The following NTHL1 variants were observed in gnomAD, a reference collection of about 807,000 sequenced individuals.
The protein encoded by NTHL1 is endonuclease III-like protein 1.
Under a neutral mutation model 32.3 loss-of-function variants are expected in NTHL1, and 32 were observed. That is an observed-to-expected ratio of 0.99 (90% confidence interval 0.75 to 1.33). The LOEUF is 1.33. NTHL1 is among the 40% of genes most tolerant of loss of function. NTHL1 has a pLI of 0.00. For missense variants in NTHL1, 501 were observed against 414.1 expected, an observed-to-expected ratio of 1.21 and a Z score of -1.82; for synonymous variants, 188 against 176.9, an observed-to-expected ratio of 1.06 and a Z score of -0.50.
In NTHL1 at chr16:2,044,919, C is replaced by G. The variant is rs1780363375; in HGVS notation, c.355-119G>C. On this transcript the variant is annotated intron_variant, in intron 2 of 5. Coordinates refer to ENST00000651570, the MANE Select transcript of NTHL1 (RefSeq NM_002528.7). The surrounding 1 kb of genome is among the most constrained non-coding windows in gnomAD (Gnocchi z 5.0). ...TTGCCCTGGGCCACACTTGAGGCAT[C>G]AGCCTCCCCCTGTGGGGTGGGGAGG... 7.6e-6 allele frequency: 9 copies of G among 1,182,240 alleles called. No homozygotes were observed. The highest frequency in any genetic ancestry group is 1.1e-5 in the Non-Finnish European group (9 of 856,630). 73.2% of individuals were successfully genotyped at this position (1,182,240 alleles called of 1,614,324 possible).
chr16:2,047,542 GA>G, intron 1 of NTHL1, 166 bp downstream of exon 1: 38 of 1,201,798 alleles, frequency 3.2e-5, no homozygotes, highest in Non-Finnish European at 3.9e-5. Context: ...CAATCTTTGG[GA>G]AAAAGGCGCA....
chr16:2,046,008 G>A, intron 2 of NTHL1, 120 bp downstream of exon 2: 1 of 767,622 alleles, frequency 1.3e-6, no homozygotes, highest in Admixed American at 2.0e-5. Flanking sequence ...GGCACCGGGT[G>A]TCCATCCTCC....
chr16:2,041,132 C>T (rs1191852005), intron 4 of NTHL1, among the ~76,000 whole-genome samples: 1 of 152,250 alleles, frequency 6.6e-6, no homozygotes, highest in Non-Finnish European at 1.5e-5. Context: ...AAGCCGAGGC[C>T]TGCACCAGCT....
At chr16:2,045,043 AGAATCG>A (rs1396937791) in intron 2 of NTHL1, among the ~76,000 whole-genome samples, 1 of 152,192 alleles carries the variant, frequency 6.6e-6, no homozygotes, top group Non-Finnish European at 1.5e-5. Flanking sequence ...CTCAGTGCTT[AGAATCG>A]TATGTGGCCG....
Position 2,040,014 on chromosome 16 carries a change from C to T in NTHL1, c.825G>A (p.Val275=). Residue 275 remains valine, a synonymous_variant, in exon 6 of 6, where the codon GTG becomes GTA. Transcript: ENST00000651570. Reference sequence around the variant, plus strand: ...GCAGACAGGTCTGCTGGCCGAAGCCCACCAAGAGTCCATTGATCTCGTGCC... The same window carrying T: ...GCAGACAGGTCTGCTGGCCGAAGCCTACCAAGAGTCCATTGATCTCGTGCC... ...ELWHEINGLL[V]GFGQQTCLPV... is the part of the protein sequence containing the mutation. 1.9e-6 allele frequency: 3 copies of T among 1,611,942 alleles called. No homozygotes were observed. The highest frequency in any genetic ancestry group is 2.5e-6 in the Non-Finnish European group (3 of 1,180,002).
In NTHL1 at chr16:2,043,284, G is replaced by A. The variant is rs563466428; in HGVS notation, c.685+283C>T. Among the ~76,000 whole-genome samples, 9 of 152,170 alleles carry A rather than the reference G, an allele frequency of 5.9e-5. No individual in the cohort carries two copies. The South Asian group carries it at 1.9e-3, about 32-fold the overall frequency. On this transcript the variant is annotated intron_variant, in intron 4 of 5. Coordinates refer to ENST00000651570, the MANE Select transcript of NTHL1 (RefSeq NM_002528.7). This position sits in a 1 kb window ranked among gnomAD's most constrained non-coding sequence, Gnocchi z 4.4. ...TCAGGGTTTCCACTCCACGAGTGGG[G>A]AATTCCTCGCTCCACATTTCTCCCG... is the stretch of plus-strand genomic sequence containing the variant.
chr16:2,043,998 CCAGGCCAGGCCAAG>C lies in NTHL1; in HGVS notation c.526-286_526-273del. On this transcript the variant is annotated intron_variant, in intron 3 of 5. Transcript: ENST00000651570. The surrounding 1 kb of genome is among the most constrained non-coding windows in gnomAD (Gnocchi z 4.4). The stretch of plus-strand genomic sequence containing the variant: ...CCTGCCCGTCATTCCCTGCCAGCAC[CCAGGCCAGGCCAAG>C]CAGGCCAGCCGCTCCCAGGAGTGGG... 2.0e-6 allele frequency: 1 copy of C among 507,872 alleles called. No individual in the cohort carries two copies. The allele number at this position is 507,872 out of a possible 1,614,324, so 31.5% of individuals were successfully genotyped here. A position where few individuals can be genotyped will look rare whatever the true frequency, so the allele number is the denominator to read the frequency against.
intron 4 of NTHL1, among the ~76,000 whole-genome samples, chr16:2,040,806 G>A (rs2084257996): frequency 6.6e-6 from 1 of 152,184 alleles, no homozygotes; most frequent in South Asian, 2.1e-4. Flanking sequence ...GCTTCCCTCT[G>A]TCTGTCTCCT....
At chr16:2,047,312 GCACCCTCC>G in intron 1 of NTHL1, 1 of 270,568 alleles carries the variant, frequency 3.7e-6, no homozygotes, top group South Asian at 4.3e-5. Flanking sequence ...TCCCTCAGAG[GCACCCTCC>G]CCCGAGCTGG....
intron 4 of NTHL1, among the ~76,000 whole-genome samples, chr16:2,041,587 C>T (rs1348233017): frequency 6.6e-6 from 1 of 152,038 alleles, no homozygotes; most frequent in Admixed American, 6.6e-5. Context: ...GAATTACAGG[C>T]TCCTGCCACC....
rs1000576492 is a variant in NTHL1, at chr16:2,046,148, C to T, written c.334G>A (p.Asp112Asn). 4 of 1,612,886 alleles carry T rather than the reference C, an allele frequency of 2.5e-6. No individual in the cohort carries two copies. In the African/African-American group the frequency reaches 5.3e-5, roughly 22 times the overall value. ...CCTACCTTTGGGGGGGCACTGGAGT[C>T]ATAGCAGTGCTCAGTCCCCAGATGG... ...VDHLGTEHCY[D>N]SSAPPKVRRY... is the part of the protein sequence containing the mutation. Residue 112 changes from aspartate to asparagine, a missense_variant, in exon 2 of 6, where the codon GAC becomes AAC. Asp to Asn is a conservative substitution (Grantham distance 23). Coordinates refer to ENST00000651570, the MANE Select transcript of NTHL1 (RefSeq NM_002528.7).
rs759501046 is a variant in NTHL1 at position 2,046,414 on chromosome 16, T to C, written c.116-48A>G. ...CCTCTGGTGGGGCCACAGGTGAAGGTAGGGTAGGGGTGCCATCCCGCCTGC... is the reference window on the plus strand; with the variant it reads ...CCTCTGGTGGGGCCACAGGTGAAGGCAGGGTAGGGGTGCCATCCCGCCTGC... On this transcript the variant is annotated intron_variant, in intron 1 of 5. Coordinates refer to ENST00000651570, the MANE Select transcript of NTHL1 (RefSeq NM_002528.7). The C allele has an allele frequency of 2.6e-6, 4 of 1,562,886 alleles. No homozygotes were observed. The African/African-American group carries it at 4.1e-5, about 16-fold the overall frequency.
chr16:2,044,867 C>G lies in NTHL1; in HGVS notation c.355-67G>C. ...GGGTGATTCCCTGGCCAGGCTCCGC[C>G]CCCCGCCCTCGACACACCCTGGTTT... On this transcript the variant is annotated intron_variant, in intron 2 of 5. Coordinates refer to ENST00000651570, the MANE Select transcript of NTHL1 (RefSeq NM_002528.7). This position sits in a 1 kb window ranked among gnomAD's most constrained non-coding sequence, Gnocchi z 5.0. 2.0e-6 allele frequency: 3 copies of G among 1,489,218 alleles called. No homozygotes were observed. Among genetic ancestry groups the G allele is most frequent in the Non-Finnish European group, 2.7e-6 (3 of 1,110,664 alleles). 92.3% of individuals were successfully genotyped at this position (1,489,218 alleles called of 1,614,324 possible).
chr16:2,042,205 T>C (rs2084276620), intron 4 of NTHL1: 1 of 418,948 alleles, frequency 2.4e-6, no homozygotes. Context: ...CCAAAGCCCG[T>C]TCCCTGCCTG....
At position 2,044,362 on chromosome 16, in the gene NTHL1, C is replaced by T. The variant is rs955089770; in HGVS notation, c.525+268G>A. Among the ~76,000 whole-genome samples, 5 of 152,072 alleles carry T rather than the reference C, an allele frequency of 3.3e-5. No individual in the cohort carries two copies. Among genetic ancestry groups the T allele is most frequent in the African/African-American group, 9.7e-5 (4 of 41,416 alleles). ...GTAAACAAAGGGAAAGGCGGGTGGG[C>T]AGGCAGCCTTGGCGGTGAGGAAGGG... On this transcript the variant is annotated intron_variant, in intron 3 of 5. Transcript: ENST00000651570. This position sits in a 1 kb window ranked among gnomAD's most constrained non-coding sequence, Gnocchi z 5.0.
At chr16:2,040,325 AC>A in intron 4 of NTHL1, 87 bp from the exon 5 acceptor site, 1 of 1,211,386 alleles carries the variant, frequency 8.3e-7, no homozygotes, top group Non-Finnish European at 1.2e-6. Context: ...GTCTGCCACC[AC>A]CCCCGTGGCC....
rs1055196467 is a variant in NTHL1, at chr16:2,044,472, G to A, written c.525+158C>T. ...AAGGAGCTGCTGGGACTGGGCGTCA[G>A]GCCTCAGGGCCCCACGGCCTGGGGG... On this transcript the variant is annotated intron_variant, in intron 3 of 5. Coordinates refer to ENST00000651570, the MANE Select transcript of NTHL1 (RefSeq NM_002528.7). The surrounding 1 kb of genome is among the most constrained non-coding windows in gnomAD (Gnocchi z 5.0). Among the ~76,000 whole-genome samples the A allele has an allele frequency of 7.9e-5, 12 of 152,170 alleles. No individual in the cohort carries two copies. Among genetic ancestry groups the A allele is most frequent in the African/African-American group, 2.7e-4 (11 of 41,458 alleles).
rs921208379 is a variant in NTHL1 at position 2,044,376 on chromosome 16, G to A, written c.525+254C>T. Among the ~76,000 whole-genome samples, 6 of 152,162 alleles carry A rather than the reference G, an allele frequency of 3.9e-5. No individual in the cohort carries two copies. Among genetic ancestry groups the A allele is most frequent in the Admixed American group, 6.5e-5 (1 of 15,282 alleles). ...AGGCGGGTGGGCAGGCAGCCTTGGCGGTGAGGAAGGGTGGGCAGGCGGCGA... is the reference window on the plus strand; with the variant it reads ...AGGCGGGTGGGCAGGCAGCCTTGGCAGTGAGGAAGGGTGGGCAGGCGGCGA... On this transcript the variant is annotated intron_variant, in intron 3 of 5. Coordinates refer to ENST00000651570, the MANE Select transcript of NTHL1 (RefSeq NM_002528.7). The surrounding 1 kb of genome is among the most constrained non-coding windows in gnomAD (Gnocchi z 5.0).
At position 2,043,552 on chromosome 16, in the gene NTHL1, C is replaced by T; in HGVS notation, c.685+15G>A. 6.2e-7 allele frequency: 1 copy of T among 1,604,008 alleles called. No homozygotes were observed. Among genetic ancestry groups the T allele is most frequent in the Non-Finnish European group, 8.5e-7 (1 of 1,179,836 alleles). On this transcript the variant is annotated intron_variant, in intron 4 of 5. Transcript: ENST00000651570. The surrounding 1 kb of genome is among the most constrained non-coding windows in gnomAD (Gnocchi z 4.4). ...AGCCAGTGGGCTGGAGCCAGCCCCGCCCTCCTCTACTCACCAATGCCTGAC... is the reference window on the plus strand; with the variant it reads ...AGCCAGTGGGCTGGAGCCAGCCCCGTCCTCCTCTACTCACCAATGCCTGAC...
Sources: gnomAD v4.1 joint callset for allele counts (sites outside exome capture counted in the v4.1 genomes callset) on GRCh38, gnomAD v4.1.1 for gene constraint, Gnocchi (gnomAD v3.1) non-coding constraint, MANE v1.5 for transcripts, NCBI Gene and HGNC (gene_info 2026-07-23, HGNC 2026-07-21) for gene names.